HOOK3: variants seen among roughly 807,000 people sequenced by gnomAD.
HOOK3 encodes the protein hook microtubule tethering protein 3, also known as protein Hook homolog 3.
HOOK3 carries 24 observed loss-of-function variants against 116.3 expected under a neutral mutation model. The observed-to-expected ratio is 0.21, with a 90% CI of 0.15 to 0.29. The LOEUF is 0.29. HOOK3 is among the 10% of genes least tolerant of loss of function. The pLI, the probability that HOOK3 is intolerant of heterozygous loss-of-function variation, is 1.00. For missense variants in HOOK3, 632 were observed against 830.2 expected (o/e 0.76, Z 2.93); for synonymous variants, 275 against 283.0 (o/e 0.97, Z 0.28).
chr8:42,987,433 G>A (rs1809068668), intron 15 of HOOK3, among the ~76,000 whole-genome samples: 1 of 152,132 alleles, frequency 6.6e-6, no homozygotes, highest in African/African-American at 2.4e-5. Flanking sequence ...TCTTTCACAA[G>A]AATTTCAATT....
intron 4 of HOOK3, among the ~76,000 whole-genome samples, chr8:42,941,827 C>T (rs1262176518): frequency 6.6e-6 from 1 of 152,116 alleles, no homozygotes; most frequent in East Asian, 1.9e-4. Context: ...TTATCAAGTG[C>T]ACTCCTACCT....
At chr8:42,981,330 G>A (rs902632975) in intron 13 of HOOK3, among the ~76,000 whole-genome samples, 5 of 151,958 alleles carry the variant, frequency 3.3e-5, no homozygotes, top group Admixed American at 2.6e-4. Flanking sequence ...TGGGGTTACA[G>A]GCATGAGCCA....
chr8:42,945,949 A>G (rs535988601), intron 5 of HOOK3, among the ~76,000 whole-genome samples: 1 of 152,240 alleles, frequency 6.6e-6, no homozygotes, highest in South Asian at 2.1e-4. Flanking sequence ...AGTTCTTCCA[A>G]AGTGCTTATC....
chr8:42,897,428 G>T, intron 1 of HOOK3: 1 of 359,820 alleles, frequency 2.8e-6, no homozygotes, highest in East Asian at 4.0e-5. Flanking sequence ...GCGACTCTGG[G>T]ATCCGTGCGG....
chr8:42,962,796 CTTTTTTT>C (rs34722373), intron 8 of HOOK3, among the ~76,000 whole-genome samples: 2 of 99,346 alleles, frequency 2.0e-5, no homozygotes, highest in South Asian at 3.6e-4. Context: ...ACTTCTTCTT[CTTTTTTT>C]TTTTTTTTTT....
intron 2 of HOOK3, among the ~76,000 whole-genome samples, chr8:42,917,354 T>C (rs1386984940): frequency 6.6e-6 from 1 of 152,204 alleles, no homozygotes; most frequent in Non-Finnish European, 1.5e-5. Flanking sequence ...AAGTCATTGG[T>C]CATGTGATTG....
chr8:42,933,827 CTGACAT>C (rs1279544179), intron 4 of HOOK3, among the ~76,000 whole-genome samples: 1 of 152,172 alleles, frequency 6.6e-6, no homozygotes, highest in Non-Finnish European at 1.5e-5. Context: ...AGTGCTGCTG[CTGACAT>C]CTCTCATGTG....
At chr8:42,955,680 G>C (rs1432600451) in intron 6 of HOOK3, among the ~76,000 whole-genome samples, 3 of 152,066 alleles carry the variant, frequency 2.0e-5, no homozygotes, top group Non-Finnish European at 4.4e-5. Flanking sequence ...TGAAATGATG[G>C]GCTAAGACTG....
chr8:42,912,308 TTTTG>T (rs1469608810), intron 2 of HOOK3, among the ~76,000 whole-genome samples: 5 of 152,214 alleles, frequency 3.3e-5, no homozygotes, highest in African/African-American at 2.4e-5. Flanking sequence ...TTTTAAGTTG[TTTTG>T]TTTGTTTTAT....
At chr8:42,914,474 T>G (rs139247590) in intron 2 of HOOK3, among the ~76,000 whole-genome samples, 2,051 of 152,306 alleles carry the variant, frequency 0.013, 30 homozygotes, top group Non-Finnish European at 0.02. Context: ...AATCACTACT[T>G]CCTGTCATTC....
At chr8:42,910,534 A>G (rs1408526386) in intron 2 of HOOK3, among the ~76,000 whole-genome samples, 3 of 152,236 alleles carry the variant, frequency 2.0e-5, no homozygotes, top group Non-Finnish European at 4.4e-5. Flanking sequence ...TTCTGACTTC[A>G]GTGCCATTAA....
At chr8:42,967,015 C>T (rs1275155886) in intron 10 of HOOK3, among the ~76,000 whole-genome samples, 2 of 152,018 alleles carry the variant, frequency 1.3e-5, no homozygotes, top group East Asian at 3.9e-4. Flanking sequence ...TGCCTCACTC[C>T]CTGTCACCTC....
intron 13 of HOOK3, among the ~76,000 whole-genome samples, chr8:42,982,063 G>A (rs931999432): frequency 2.6e-5 from 4 of 151,134 alleles, no homozygotes; most frequent in African/African-American, 9.7e-5. Flanking sequence ...AGACCAGCCT[G>A]GCCAATGTGG....
At chr8:42,905,033 T>C (rs1807275323) in intron 1 of HOOK3, among the ~76,000 whole-genome samples, 1 of 152,224 alleles carries the variant, frequency 6.6e-6, no homozygotes, top group Non-Finnish European at 1.5e-5. Flanking sequence ...AGAGAATTTA[T>C]ACTATTAGGG....
At chr8:42,979,820 G>A (rs936797418) in intron 13 of HOOK3, among the ~76,000 whole-genome samples, 2 of 151,944 alleles carry the variant, frequency 1.3e-5, no homozygotes, top group African/African-American at 4.8e-5. Context: ...TACCAAGGAC[G>A]ACTGAAGGAA....
intron 19 of HOOK3, among the ~76,000 whole-genome samples, chr8:43,011,745 GGCATGCACCT>G (rs1809616683): frequency 6.6e-6 from 1 of 152,084 alleles, no homozygotes; most frequent in African/African-American, 2.4e-5. Context: ...TGGTCATGGT[GGCATGCACCT>G]GTAATCCTAG....
chr8:42,935,077 C>T (rs924636949), intron 4 of HOOK3, among the ~76,000 whole-genome samples: 3 of 152,136 alleles, frequency 2.0e-5, no homozygotes, highest in East Asian at 1.9e-4. Flanking sequence ...TTTTAATGAT[C>T]GCCATTCTAA....
intron 5 of HOOK3, among the ~76,000 whole-genome samples, chr8:42,949,991 CAA>C (rs998506923): frequency 2.0e-5 from 3 of 151,346 alleles, no homozygotes; most frequent in African/African-American, 7.3e-5. Context: ...GCACAGAGTT[CAA>C]AGTTTTTTTT....
chr8:42,957,063 A>G, intron 6 of HOOK3, 31 bp from the exon 7 acceptor site: 2 of 1,362,652 alleles, frequency 1.5e-6, no homozygotes, highest in African/African-American at 1.4e-5. Context: ...TTTTTGCCTC[A>G]TAGTTATAAT....
Sources: gnomAD v4.1 joint callset for allele counts (sites outside exome capture counted in the v4.1 genomes callset) on GRCh38, gnomAD v4.1.1 for gene constraint, MANE v1.5 for transcripts, NCBI Gene and HGNC (gene_info 2026-07-23, HGNC 2026-07-21) for gene names.